The following LIMCH1 variants were observed in gnomAD, a reference collection of about 807,000 sequenced individuals.
LIMCH1 encodes the protein LIM and calponin homology domains 1.
Under a neutral mutation model 176.5 loss-of-function variants are expected in LIMCH1, and 113 were observed. The ratio of observed to expected loss-of-function variants is 0.64; its 90% CI spans 0.55 to 0.75. The LOEUF is 0.75. Among genes scored for constraint, LIMCH1 ranks in the 30% least tolerant of loss-of-function variants. LIMCH1 has a pLI of 0.00. For missense variants in LIMCH1, 1,674 were observed against 1,814.9 expected (o/e 0.92, Z 1.41); for synonymous variants, 619 against 645.9 (o/e 0.96, Z 0.63).
intron 1 of LIMCH1, among the ~76,000 whole-genome samples, chr4:41,364,948 A>T (rs535290510): frequency 3.9e-5 from 6 of 151,994 alleles, no homozygotes; most frequent in Non-Finnish European, 7.4e-5. Flanking sequence ...AGTAGGTTAG[A>T]TGACTCTGAT....
At chr4:41,435,380 C>T (rs1266071128) in intron 1 of LIMCH1, among the ~76,000 whole-genome samples, 2 of 152,142 alleles carry the variant, frequency 1.3e-5, no homozygotes, top group Non-Finnish European at 2.9e-5. Context: ...TTCCCCGTGC[C>T]GAAGCCTCCA....
chr4:41,553,168 A>T (rs996474234), intron 1 of LIMCH1, among the ~76,000 whole-genome samples: 3 of 152,148 alleles, frequency 2.0e-5, no homozygotes, highest in African/African-American at 4.8e-5. Context: ...CTCCTGATTT[A>T]GTTCTGTTAT....
Position 41,682,450 on chromosome 4 carries a change from G to T in LIMCH1, c.3835G>T (p.Glu1279Ter). The change falls in exon 26 of 32, where the codon GAG becomes TAG. Residue 1279 changes from glutamate (E) to a stop codon, truncating the protein, a stop_gained. Transcript: ENST00000503057. LOFTEE classifies it high-confidence loss of function. The part of the protein sequence containing the change: ...LKTRESDRLE[E>*]KGSLTEGALA... Reference sequence around the variant, plus strand: ...GACTAGGGAAAGTGATCGACTGGAGGAGAAGGGCAGGTATGAGCCCATCCC... The same window carrying T: ...GACTAGGGAAAGTGATCGACTGGAGTAGAAGGGCAGGTATGAGCCCATCCC... The T allele has an allele frequency of 6.2e-7, 1 of 1,612,810 alleles. No individual in the cohort carries two copies. Among genetic ancestry groups the T allele is most frequent in the South Asian group, 1.1e-5 (1 of 90,960 alleles).
At chr4:41,671,679 C>T in intron 22 of LIMCH1, 85 bp downstream of exon 22, 1 of 1,100,746 alleles carries the variant, frequency 9.1e-7, no homozygotes, top group Non-Finnish European at 1.4e-6. Context: ...AGTATTCAGG[C>T]CGGGTGCAGG....
At chr4:41,685,322 A>G (rs537958942) in intron 27 of LIMCH1, among the ~76,000 whole-genome samples, 140 of 152,340 alleles carry the variant, frequency 9.2e-4, no homozygotes, top group African/African-American at 3.3e-3. Context: ...CAGGTGCCCT[A>G]TGGATTTAAA....
At chr4:41,564,322 T>C (rs922095932) in intron 1 of LIMCH1, among the ~76,000 whole-genome samples, 8 of 152,152 alleles carry the variant, frequency 5.3e-5, no homozygotes, top group East Asian at 3.9e-4. Flanking sequence ...AGAATTCACA[T>C]TGAGGCTATT....
chr4:41,557,554 G>A (rs964007295), intron 1 of LIMCH1, among the ~76,000 whole-genome samples: 4 of 151,884 alleles, frequency 2.6e-5, no homozygotes, highest in African/African-American at 9.7e-5. Context: ...CTCTGTGTGT[G>A]TGTGTGTGTG....
At chr4:41,614,701 C>T (rs1387627952) in intron 5 of LIMCH1, among the ~76,000 whole-genome samples, 2 of 152,264 alleles carry the variant, frequency 1.3e-5, no homozygotes, top group African/African-American at 2.4e-5. Context: ...TTTAGAGATA[C>T]TCACTCAGTA....
intron 1 of LIMCH1, among the ~76,000 whole-genome samples, chr4:41,539,598 C>G (rs1433735776): frequency 2.6e-5 from 4 of 152,212 alleles, no homozygotes; most frequent in Admixed American, 1.3e-4. Context: ...AATCATCGGG[C>G]AGAGAGGGAC....
rs866819607 is a variant in LIMCH1 at position 41,623,865 on chromosome 4, C to T, written c.726-2843C>T. 5.9e-5 allele frequency among the ~76,000 whole-genome samples: 9 copies of T among 152,244 alleles called. No individual in the cohort carries two copies. The South Asian group carries it at 8.3e-4, about 14-fold the overall frequency. On this transcript the variant is annotated intron_variant, in intron 7 of 31. Coordinates refer to ENST00000503057, the MANE Select transcript of LIMCH1 (RefSeq NM_001330672.2). Reference sequence around the variant, plus strand: ...AGCTTCCTGTCAAACAATATATTAGCGGTATCTTAGCATCAAGAGACAGAA... The same window carrying T: ...AGCTTCCTGTCAAACAATATATTAGTGGTATCTTAGCATCAAGAGACAGAA...
chr4:41,672,676 G>C (rs1165907027), intron 22 of LIMCH1, among the ~76,000 whole-genome samples: 1 of 152,136 alleles, frequency 6.6e-6, no homozygotes, highest in Non-Finnish European at 1.5e-5. Context: ...GACATTCCTT[G>C]CTGCTGCATG....
chr4:41,469,281 G>T (rs950206009), intron 1 of LIMCH1, among the ~76,000 whole-genome samples: 1 of 152,224 alleles, frequency 6.6e-6, no homozygotes, highest in African/African-American at 2.4e-5. Flanking sequence ...AGGGGAAACA[G>T]ATCTGTTACG....
intron 1 of LIMCH1, among the ~76,000 whole-genome samples, chr4:41,414,624 T>G (rs964836770): frequency 2.6e-5 from 4 of 152,188 alleles, no homozygotes; most frequent in Non-Finnish European, 5.9e-5. Flanking sequence ...AATTATGCAT[T>G]ATGTCACTGT....
intron 1 of LIMCH1, among the ~76,000 whole-genome samples, chr4:41,483,120 T>C (rs2068932174): frequency 6.6e-6 from 1 of 151,850 alleles, no homozygotes; most frequent in African/African-American, 2.4e-5. Context: ...TGATGGATGC[T>C]GTGGGTAGAG....
chr4:41,419,568 T>TTCCG (rs1561308689), intron 1 of LIMCH1, among the ~76,000 whole-genome samples: 13 of 71,928 alleles, frequency 1.8e-4, no homozygotes, highest in African/African-American at 1.0e-3. Context: ...TTCCCCTTCC[T>TTCCG]TCCTTCCTTC....
Position 41,620,522 on chromosome 4 carries a change from G to A in LIMCH1, c.557G>A (p.Gly186Asp). 4 of 1,536,434 alleles carry A rather than the reference G, an allele frequency of 2.6e-6. No homozygotes were observed. Among genetic ancestry groups the A allele is most frequent in the Non-Finnish European group, 3.5e-6 (4 of 1,146,988 alleles). ...AATCCTGGTTGGAAGCCTTCCGATG[G>A]TGGGTGTGAATTACCTGACGGCAGT... ...QMNPGWKPSD[G>D]GCELPDGSGK... The change falls in exon 7 of 32, where the codon GGT (glycine) becomes GAT (aspartate). Residue 186 changes from glycine (G) to aspartate (D), a missense_variant. By Grantham distance (94) the Gly-to-Asp change is moderately conservative (BLOSUM62 -1). Transcript: ENST00000503057.
Position 41,626,111 on chromosome 4 carries a change from C to T in LIMCH1, c.726-597C>T, listed in dbSNP as rs549002969. On this transcript the variant is annotated intron_variant, in intron 7 of 31. Transcript: ENST00000503057. ...GAAAGGTGCAGGGCAAGATAAGCTTCCTGGGAGTGGAGGACCAGGGAATGG... is the reference window on the plus strand; with the variant it reads ...GAAAGGTGCAGGGCAAGATAAGCTTTCTGGGAGTGGAGGACCAGGGAATGG... 6.6e-5 allele frequency among the ~76,000 whole-genome samples: 10 copies of T among 152,244 alleles called. No individual in the cohort carries two copies. The South Asian group carries it at 1.9e-3, about 28-fold the overall frequency.
intron 5 of LIMCH1, among the ~76,000 whole-genome samples, chr4:41,616,529 CAAA>C (rs1053211190): frequency 2.3e-4 from 20 of 87,584 alleles, no homozygotes; most frequent in East Asian, 5.2e-4. Context: ...AACTCCATCT[CAAA>C]AAATAATAAT....
intron 1 of LIMCH1, among the ~76,000 whole-genome samples, chr4:41,596,821 T>A (rs560915117): frequency 1.4e-4 from 22 of 152,212 alleles, no homozygotes; most frequent in African/African-American, 5.3e-4. Context: ...AGCAGCTAGC[T>A]CACTGTCAGC....
Sources: gnomAD v4.1 joint callset for allele counts (sites outside exome capture counted in the v4.1 genomes callset) on GRCh38, gnomAD v4.1.1 for gene constraint, MANE v1.5 for transcripts, NCBI Gene and HGNC (gene_info 2026-07-23, HGNC 2026-07-21) for gene names.